ACADS: variants seen among roughly 807,000 people sequenced by gnomAD.
ACADS encodes the protein short-chain specific acyl-CoA dehydrogenase, mitochondrial.
A neutral mutation model predicts 46.8 loss-of-function variants in ACADS; 28 were observed. The ratio of observed to expected loss-of-function variants is 0.60; its 90% CI spans 0.44 to 0.82. The LOEUF is 0.82. Ranked by LOEUF, ACADS falls within the 40% of genes least tolerant of loss-of-function variation. The pLI is 0.00. For missense variants in ACADS, 528 were observed against 578.0 expected (o/e 0.91, Z 0.89); for synonymous variants, 236 against 237.7 (o/e 0.99, Z 0.07).
chr12:120,734,426 GC>G, intron 2 of ACADS, among the ~76,000 whole-genome samples: 1 of 152,182 alleles, frequency 6.6e-6, no homozygotes, highest in East Asian at 1.9e-4. Flanking sequence ...ACACGTTTAT[GC>G]CCCACATGTG....
chr12:120,731,784 G>A (rs1883256728), intron 2 of ACADS, among the ~76,000 whole-genome samples: 1 of 151,982 alleles, frequency 6.6e-6, no homozygotes, highest in Admixed American at 6.6e-5. Flanking sequence ...GGACCCTGCG[G>A]CCTTCCGCAG....
chr12:120,733,536 TG>T (rs1883336375), intron 2 of ACADS, among the ~76,000 whole-genome samples: 1 of 4,574 alleles, frequency 2.2e-4, no homozygotes, highest in Non-Finnish European at 3.7e-4. Flanking sequence ...AGTTGGTTCC[TG>T]CCTGCTGAAA....
intron 4 of ACADS, 164 bp from the exon 5 acceptor site, chr12:120,737,673 C>A: frequency 8.8e-7 from 1 of 1,135,144 alleles, no homozygotes; most frequent in South Asian, 1.4e-5. Flanking sequence ...CCTGCACACC[C>A]CCCTCGCCCT....
Position 120,739,843 on chromosome 12 carries a change from T to A in ACADS, c.*395T>A. ...TGAGGTCAGAGGTCAGGAGCAGGGC[T>A]GGGGTCAGGATGACGAGGCCTGGGG... On this transcript the variant is annotated 3_prime_UTR_variant, in exon 10 of 10. Transcript: ENST00000242592. The A allele has an allele frequency of 4.0e-6, 1 of 247,724 alleles. No homozygotes were observed. The allele number at this position is 247,724 out of a possible 1,614,324, so 15.3% of individuals were successfully genotyped here.
In ACADS at chr12:120,738,556, C is replaced by T. The variant is rs368859841; in HGVS notation, c.819C>T (p.Ile273=). The T allele has an allele frequency of 2.5e-5, 40 of 1,611,050 alleles. No individual in the cohort carries two copies. The highest frequency in any genetic ancestry group is 2.1e-4 in the African/African-American group (16 of 74,946). ...IAMQTLDMGR[I]GIASQALGIA... ...AGCAAACCCTGGACATGGGCCGCAT[C>T]GGCATCGCCTCCCAGGCCCTGGGCA... Residue 273 remains isoleucine (I), a synonymous_variant, in exon 7 of 10, where the codon ATC becomes ATT. Transcript: ENST00000242592.
chr12:120,731,455 GT>G (rs71076649), intron 2 of ACADS, among the ~76,000 whole-genome samples: 55,694 of 126,046 alleles, frequency 0.44, 11,737 homozygotes, highest in African/African-American at 0.55. Flanking sequence ...TAATAAAATA[GT>G]TTTTTTTTTT....
At chr12:120,737,601 C>G in intron 4 of ACADS, 134 bp downstream of exon 4, 1 of 1,081,114 alleles carries the variant, frequency 9.2e-7, no homozygotes, top group Non-Finnish European at 1.4e-6. Flanking sequence ...GGTGAGCGCT[C>G]TTGCCACCGC....
chr12:120,737,169 G>A (rs766945255), intron 3 of ACADS, 34 bp downstream of exon 3: 7 of 1,558,552 alleles, frequency 4.5e-6, no homozygotes, highest in South Asian at 1.2e-5. Context: ...GGACACACGG[G>A]TGGAGGGAGG....
chr12:120,739,655 C>T lies in ACADS; in HGVS notation c.*207C>T. Reference sequence around the variant, plus strand: ...TCTGGGCCTTTCCGCCTCCTCACCACTGTGCCTCAAGTTCCTCATCTAAGT... The same window carrying T: ...TCTGGGCCTTTCCGCCTCCTCACCATTGTGCCTCAAGTTCCTCATCTAAGT... On this transcript the variant is annotated 3_prime_UTR_variant, in exon 10 of 10. Transcript: ENST00000242592. 1.6e-6 allele frequency: 1 copy of T among 633,704 alleles called. No homozygotes were observed. Among genetic ancestry groups the T allele is most frequent in the East Asian group, 2.8e-5 (1 of 35,796 alleles). The allele number at this position is 633,704 out of a possible 1,614,324, so 39.3% of individuals were successfully genotyped here.
chr12:120,735,561 T>G (rs1883407477), intron 2 of ACADS, among the ~76,000 whole-genome samples: 2 of 151,962 alleles, frequency 1.3e-5, no homozygotes, highest in African/African-American at 4.8e-5. Flanking sequence ...AACAAGAATA[T>G]ATTAGCAAAC....
intron 2 of ACADS, among the ~76,000 whole-genome samples, chr12:120,730,346 T>C (rs1358703693): frequency 6.6e-6 from 1 of 152,128 alleles, no homozygotes; most frequent in Admixed American, 6.6e-5. Flanking sequence ...GGGGGAAAAT[T>C]GAGGGCGATG....
In ACADS at chr12:120,738,350, G is replaced by A; in HGVS notation, c.695G>A (p.Gly232Asp). ...LTLGKKEDKL[G>D]IRGSSTANLI... ...TTGGGGAAGAAAGAAGACAAGCTGG[G>A]CATCCGGGGCTCATCCACGGCCAAC... Residue 232 changes from glycine (G) to aspartate (D), a missense_variant, in exon 6 of 10, where the codon GGC becomes GAC. Transcript: ENST00000242592. 6.2e-7 allele frequency: 1 copy of A among 1,614,200 alleles called. No homozygotes were observed. Among genetic ancestry groups the A allele is most frequent in the Non-Finnish European group, 8.5e-7 (1 of 1,180,046 alleles).
chr12:120,731,166 T>C (rs1883235759), intron 2 of ACADS, among the ~76,000 whole-genome samples: 1 of 152,176 alleles, frequency 6.6e-6, no homozygotes, highest in South Asian at 2.1e-4. Context: ...GGTCTCGCCA[T>C]GTTGATGAAG....
chr12:120,733,594 GGTGCCTGCTGAAA>G (rs1883339817), intron 2 of ACADS, among the ~76,000 whole-genome samples: 1 of 58,146 alleles, frequency 1.7e-5, no homozygotes, highest in South Asian at 5.2e-4. Flanking sequence ...CTGCTGAAAT[GGTGCCTGCTGAAA>G]TGGTGCCTAT....
At position 120,738,587 on chromosome 12, in the gene ACADS, C is replaced by T. The variant is rs201430078; in HGVS notation, c.850C>T (p.Gln284Ter). The change falls in exon 7 of 10, where the codon CAG (glutamine) becomes TAG (stop). Residue 284 changes from glutamine to a stop codon, truncating the protein, a stop_gained. Coordinates refer to ENST00000242592, the MANE Select transcript of ACADS (RefSeq NM_000017.4). LOFTEE classifies it high-confidence loss of function. ...CGCCTCCCAGGCCCTGGGCATTGCC[C>T]AGACCGCCCTCGATTGTGCTGTGAA... ...GIASQALGIA[Q>*]TALDCAVNYA... is the part of the protein sequence containing the mutation. The T allele has an allele frequency of 6.2e-7, 1 of 1,612,954 alleles. No homozygotes were observed. Among genetic ancestry groups the T allele is most frequent in the South Asian group, 1.1e-5 (1 of 91,090 alleles).
intron 2 of ACADS, among the ~76,000 whole-genome samples, chr12:120,734,228 A>G (rs1883357537): frequency 6.6e-6 from 1 of 152,190 alleles, no homozygotes; most frequent in South Asian, 2.1e-4. Context: ...ATTGCCACGG[A>G]AGGGAACATA....
chr12:120,728,214 T>TG lies in ACADS; in HGVS notation c.210+1028dup, dbSNP rs766086735. 5.9e-5 allele frequency among the ~76,000 whole-genome samples: 9 copies of TG among 152,338 alleles called. No homozygotes were observed. Among genetic ancestry groups the TG allele is most frequent in the Non-Finnish European group, 1.2e-4 (8 of 68,032 alleles). Reference sequence around the variant, plus strand: ...TGCCCGCCTTGGCGTCCCAAAGTGCTGGGATTACAGGCGTGAGCCACCGTG... The same window carrying TG: ...TGCCCGCCTTGGCGTCCCAAAGTGCTGGGGATTACAGGCGTGAGCCACCGTG... On this transcript the variant is annotated intron_variant, in intron 2 of 9. Coordinates refer to ENST00000242592, the MANE Select transcript of ACADS (RefSeq NM_000017.4). This position sits in a 1 kb window ranked among gnomAD's most constrained non-coding sequence, Gnocchi z 4.0.
rs775356801 is a variant in ACADS, at chr12:120,728,008, C to T, written c.210+819C>T. Among the ~76,000 whole-genome samples the T allele has an allele frequency of 5.9e-5, 9 of 152,090 alleles. No individual in the cohort carries two copies. Among genetic ancestry groups the T allele is most frequent in the South Asian group, 2.1e-4 (1 of 4,816 alleles). On this transcript the variant is annotated intron_variant, in intron 2 of 9. Coordinates refer to ENST00000242592, the MANE Select transcript of ACADS (RefSeq NM_000017.4). This position sits in a 1 kb window ranked among gnomAD's most constrained non-coding sequence, Gnocchi z 4.0. ...TGTTGCCCAGGCTGGAGGGCAGTGG[C>T]GCAATCTCAACGCACTGCACCCCTC...
chr12:120,732,162 G>A (rs907350070), intron 2 of ACADS, among the ~76,000 whole-genome samples: 7 of 152,218 alleles, frequency 4.6e-5, no homozygotes, highest in African/African-American at 9.6e-5. Flanking sequence ...ACACCTCCCA[G>A]ACGGGGTGGT....
Sources: gnomAD v4.1 joint callset for allele counts (sites outside exome capture counted in the v4.1 genomes callset) on GRCh38, gnomAD v4.1.1 for gene constraint, Gnocchi (gnomAD v3.1) non-coding constraint, MANE v1.5 for transcripts, NCBI Gene and HGNC (gene_info 2026-07-23, HGNC 2026-07-21) for gene names.